Variants in EXOC6B observed in about 807,000 individuals in gnomAD.
EXOC6B encodes the protein SEC15 homolog B.
In EXOC6B, 54 loss-of-function variants were observed where a neutral mutation model predicts 113.5. The observed-to-expected ratio is 0.48, with a 90% confidence interval of 0.38 to 0.60. The LOEUF (loss-of-function observed/expected upper bound fraction) is 0.60, where lower values mean the gene tolerates loss of function less well. Among genes scored for constraint, EXOC6B ranks in the 20% least tolerant of loss-of-function variants. EXOC6B has a pLI of 0.00. For missense variants in EXOC6B, 797 were observed against 977.5 expected (o/e 0.82, Z 2.46); for synonymous variants, 357 against 339.0 (o/e 1.05, Z -0.58).
intron 19 of EXOC6B, among the ~76,000 whole-genome samples, chr2:72,373,841 G>T (rs938982617): frequency 1.3e-5 from 2 of 152,136 alleles, no homozygotes; most frequent in Non-Finnish European, 2.9e-5. Context: ...TAACCACTAT[G>T]GAGACGGTGT....
intron 16 of EXOC6B, among the ~76,000 whole-genome samples, chr2:72,487,382 G>A (rs1225013434): frequency 6.6e-6 from 1 of 150,400 alleles, no homozygotes; most frequent in East Asian, 1.9e-4. Context: ...TTGTTTTTGA[G>A]ATGGAGTCTC....
At chr2:72,695,774 ATTATC>A (rs1677827370) in intron 6 of EXOC6B, among the ~76,000 whole-genome samples, 1 of 152,150 alleles carries the variant, frequency 6.6e-6, no homozygotes. Context: ...ATAAAAAAAA[ATTATC>A]TTAGGTGTCA....
chr2:72,327,206 A>G (rs1688173820), intron 20 of EXOC6B, among the ~76,000 whole-genome samples: 1 of 152,022 alleles, frequency 6.6e-6, no homozygotes, highest in South Asian at 2.1e-4. Flanking sequence ...ACCACATACA[A>G]TTGTGCAAAG....
At chr2:72,288,715 C>A (rs745722243) in intron 20 of EXOC6B, 1 of 152,912 alleles carries the variant, frequency 6.5e-6, no homozygotes, top group South Asian at 2.1e-4. Flanking sequence ...TATACAAACT[C>A]TTTCCGTGCC....
intron 6 of EXOC6B, among the ~76,000 whole-genome samples, chr2:72,664,774 G>A (rs1216249609): frequency 6.6e-6 from 1 of 152,332 alleles, no homozygotes; most frequent in Non-Finnish European, 1.5e-5. Flanking sequence ...TCTCCCATAG[G>A]AGTGTGTGCA....
chr2:72,383,015 T>G (rs1173435082), intron 18 of EXOC6B, among the ~76,000 whole-genome samples: 1 of 152,170 alleles, frequency 6.6e-6, no homozygotes, highest in African/African-American at 2.4e-5. Flanking sequence ...AAGACTTAAA[T>G]GTAAAACCTA....
At chr2:72,607,865 T>C (rs1376592287) in intron 6 of EXOC6B, among the ~76,000 whole-genome samples, 2 of 151,882 alleles carry the variant, frequency 1.3e-5, no homozygotes, top group Non-Finnish European at 2.9e-5. Flanking sequence ...AGTGACAAAA[T>C]GAAAGGAGTA....
chr2:72,522,793 T>G (rs924113747), intron 8 of EXOC6B, among the ~76,000 whole-genome samples: 1 of 152,240 alleles, frequency 6.6e-6, no homozygotes, highest in Admixed American at 6.5e-5. Context: ...TCACATGTAA[T>G]GTACATATAC....
intron 19 of EXOC6B, among the ~76,000 whole-genome samples, chr2:72,368,924 A>T (rs1690816883): frequency 6.6e-6 from 1 of 152,206 alleles, no homozygotes; most frequent in Admixed American, 6.5e-5. Context: ...AATGGGCAAA[A>T]ACTGGAAGCA....
intron 20 of EXOC6B, among the ~76,000 whole-genome samples, chr2:72,211,730 C>A (rs1027768715): frequency 1.3e-5 from 2 of 152,164 alleles, no homozygotes; most frequent in African/African-American, 2.4e-5. Flanking sequence ...GTAGCATAAT[C>A]TTAGATTGCT....
intron 20 of EXOC6B, among the ~76,000 whole-genome samples, chr2:72,307,640 C>T (rs550543404): frequency 6.6e-6 from 1 of 152,290 alleles, no homozygotes; most frequent in African/African-American, 2.4e-5. Flanking sequence ...TTCAAAATTA[C>T]TTATTCAATG....
intron 20 of EXOC6B, among the ~76,000 whole-genome samples, chr2:72,249,665 T>C (rs1279813949): frequency 2.0e-5 from 3 of 152,198 alleles, no homozygotes; most frequent in Non-Finnish European, 4.4e-5. Flanking sequence ...CTAACATCAG[T>C]ATCTACAAAA....
At chr2:72,334,492 C>A (rs1424703972) in intron 20 of EXOC6B, among the ~76,000 whole-genome samples, 6 of 152,102 alleles carry the variant, frequency 3.9e-5, no homozygotes, top group African/African-American at 1.4e-4. Flanking sequence ...AGGAAAAAGT[C>A]AACAAACCAA....
chr2:72,764,418 C>G (rs576640379), intron 1 of EXOC6B, among the ~76,000 whole-genome samples: 3 of 122,286 alleles, frequency 2.5e-5, no homozygotes, highest in Non-Finnish European at 3.2e-5. Flanking sequence ...GTTGCCCAGG[C>G]TGGAGTGCAG....
intron 1 of EXOC6B, among the ~76,000 whole-genome samples, chr2:72,776,787 G>C (rs1434436342): frequency 6.6e-6 from 1 of 151,714 alleles, no homozygotes; most frequent in Non-Finnish European, 1.5e-5. Context: ...GGAAAGGAGA[G>C]AAAGAGAAAG....
At chr2:72,810,760 C>A (rs942660637) in intron 1 of EXOC6B, among the ~76,000 whole-genome samples, 1 of 151,986 alleles carries the variant, frequency 6.6e-6, no homozygotes, top group Admixed American at 6.6e-5. Flanking sequence ...TATAACCATA[C>A]GTCAGTAAGC....
At position 72,815,679 on chromosome 2, in the gene EXOC6B, T is replaced by G. The variant is rs557013570; in HGVS notation, c.113+10119A>C. ...TGACAAAAGCCCAAAAGTCTTTGGGTTGTTGAAAAAGCTACGGAGAACTTT... is the reference window on the plus strand; with the variant it reads ...TGACAAAAGCCCAAAAGTCTTTGGGGTGTTGAAAAAGCTACGGAGAACTTT... On this transcript the variant is annotated intron_variant, in intron 1 of 21. Coordinates refer to ENST00000272427, the MANE Select transcript of EXOC6B (RefSeq NM_015189.3). Among the ~76,000 whole-genome samples, 27 of 152,068 alleles carry G rather than the reference T, an allele frequency of 1.8e-4. No individual in the cohort carries two copies. The South Asian group carries it at 5.6e-3, about 32-fold the overall frequency.
At chr2:72,209,727 C>T (rs537289326) in intron 20 of EXOC6B, among the ~76,000 whole-genome samples, 56 of 152,286 alleles carry the variant, frequency 3.7e-4, no homozygotes, top group African/African-American at 1.2e-3. Flanking sequence ...CATTTCTGAT[C>T]ACTATAGCAT....
At chr2:72,668,764 T>C (rs1675572707) in intron 6 of EXOC6B, among the ~76,000 whole-genome samples, 1 of 152,116 alleles carries the variant, frequency 6.6e-6, no homozygotes, top group South Asian at 2.1e-4. Flanking sequence ...TGGGGACTAC[T>C]AGAGGGGAGA....
Sources: allele counts gnomAD v4.1 joint callset (sites outside exome capture counted in the v4.1 genomes callset), GRCh38; gene constraint gnomAD v4.1.1; transcripts MANE v1.5; gene names NCBI Gene and HGNC (gene_info 2026-07-23, HGNC 2026-07-21).